TENM1: variants seen among roughly 807,000 people sequenced by gnomAD.
TENM1 encodes the protein teneurin-1.
TENM1 carries 35 observed loss-of-function variants against 174.8 expected under a neutral mutation model. The ratio of observed to expected loss-of-function variants is 0.20; its 90% confidence interval spans 0.15 to 0.27. The LOEUF (loss-of-function observed/expected upper bound fraction) is 0.27. Among genes scored for constraint, TENM1 ranks in the 10% least tolerant of loss-of-function variants. The probability of loss-of-function intolerance (pLI) is 1.00; values close to 1 mark genes in which losing one functional copy is unlikely to be tolerated. For missense variants in TENM1, 1,633 were observed against 2,130.1 expected (o/e 0.77, Z 4.59); for synonymous variants, 781 against 798.7 (o/e 0.98, Z 0.37).
At chrX:124,612,941 G>C (rs2050312775) in intron 11 of TENM1, among the ~76,000 whole-genome samples, 1 of 111,490 alleles carries the variant, frequency 9.0e-6, no homozygotes, top group Non-Finnish European at 1.9e-5. Flanking sequence ...CAGCAGATTA[G>C]TGAATCAATT....
At chrX:125,171,574 C>G in the TENM1 span, among the ~76,000 whole-genome samples, 1 of 109,879 alleles carries the variant, frequency 9.1e-6, no homozygotes, top group Admixed American at 9.8e-5. Flanking sequence ...GGGATTAGTG[C>G]CCTTATAAAA....
the TENM1 span, among the ~76,000 whole-genome samples, chrX:125,121,859 G>A: frequency 1.4e-4 from 16 of 112,317 alleles, no homozygotes; most frequent in East Asian, 4.5e-3. Context: ...GATCACTTGA[G>A]GCCAGGAATT....
intron 14 of TENM1, among the ~76,000 whole-genome samples, chrX:124,559,446 T>C (rs905190188): frequency 3.6e-5 from 4 of 111,255 alleles, no homozygotes; most frequent in East Asian, 5.7e-4. Context: ...GGCAGACAGA[T>C]TGCTTGAGCC....
intron 5 of TENM1, among the ~76,000 whole-genome samples, chrX:124,690,842 G>A (rs139078862): frequency 0.011 from 1,264 of 110,247 alleles, 17 homozygotes; most frequent in African/African-American, 0.039. Context: ...GCCCTCACCG[G>A]ATGCAGATCC....
the TENM1 span, among the ~76,000 whole-genome samples, chrX:125,151,576 A>G: frequency 8.9e-6 from 1 of 112,548 alleles, no homozygotes. Context: ...TATAGTACAT[A>G]CAAACAGTAT....
the TENM1 span, among the ~76,000 whole-genome samples, chrX:125,050,004 T>A: frequency 8.2e-4 from 90 of 109,879 alleles, no homozygotes; most frequent in African/African-American, 2.8e-3. Flanking sequence ...ACTATTATTA[T>A]TAATAATAGA....
chrX:124,830,527 A>G (rs1480198205), intron 3 of TENM1, among the ~76,000 whole-genome samples: 1 of 111,669 alleles, frequency 9.0e-6, no homozygotes, highest in Non-Finnish European at 1.9e-5. Flanking sequence ...CTTGCCATGT[A>G]GTGATCATCA....
intron 5 of TENM1, 43 bp from the exon 9 acceptor site, chrX:124,671,878 T>C (rs1284730039): frequency 8.5e-7 from 1 of 1,178,755 alleles, no homozygotes; most frequent in Non-Finnish European, 1.1e-6. Flanking sequence ...CCAGACTCAC[T>C]GAGAACATCT....
the TENM1 span, among the ~76,000 whole-genome samples, chrX:125,103,726 C>T: frequency 1.8e-4 from 20 of 112,492 alleles, no homozygotes; most frequent in African/African-American, 5.8e-4. Context: ...TGGCTCACGC[C>T]GGTAATCCCA....
intron 23 of TENM1, among the ~76,000 whole-genome samples, chrX:124,435,286 T>A (rs1356281807): frequency 8.9e-6 from 1 of 111,864 alleles, no homozygotes; most frequent in African/African-American, 3.2e-5. Flanking sequence ...TTGCAGGTTG[T>A]TAATATTATA....
chrX:124,419,591 G>T (rs2060628134), intron 25 of TENM1, among the ~76,000 whole-genome samples: 1 of 112,071 alleles, frequency 8.9e-6, no homozygotes, highest in South Asian at 3.7e-4. Flanking sequence ...CTAGTAGCTT[G>T]CTGTCAGACA....
chrX:124,758,686 T>C lies in TENM1; in HGVS notation c.536-21489A>G, dbSNP rs368772132. 4.5e-5 allele frequency among the ~76,000 whole-genome samples: 5 copies of C among 111,672 alleles called. No individual in the cohort carries two copies. In the South Asian group the frequency reaches 1.5e-3, roughly 34 times the overall value. The stretch of plus-strand genomic sequence containing the variant: ...AAGAAGGTGTGGCATATACATATGA[T>C]TGAATATTATTCAGCCTTAAAAAAG... On this transcript the variant is annotated intron_variant, in intron 3 of 31. Transcript: ENST00000422452.
intron 8 of TENM1, among the ~76,000 whole-genome samples, chrX:124,649,130 T>A (rs1475939935): frequency 1.8e-5 from 2 of 112,359 alleles, no homozygotes; most frequent in African/African-American, 3.2e-5. Flanking sequence ...TGGCCTCCAG[T>A]AATCTTTGAC....
chrX:124,697,677 A>G (rs1158123107), intron 5 of TENM1, among the ~76,000 whole-genome samples: 1 of 111,588 alleles, frequency 9.0e-6, no homozygotes, highest in African/African-American at 3.2e-5. Flanking sequence ...TAATTTATTG[A>G]ATAATATATA....
chrX:124,651,876 T>C lies in TENM1; in HGVS notation c.1579+38A>G, dbSNP rs1327831462. The C allele has an allele frequency of 4.2e-6, 5 of 1,191,311 alleles. No homozygotes were observed. In the African/African-American group the frequency reaches 7.0e-5, roughly 17 times the overall value. On this transcript the variant is annotated intron_variant, in intron 8 of 31. Transcript: ENST00000422452. ...ATCACTGATTGTGTCTTTCTAGGGT[T>C]GAACTGTCAATTCAACATATTAGGC...
chrX:124,508,632 G>T (rs5958507), intron 18 of TENM1, among the ~76,000 whole-genome samples: 1 of 112,122 alleles, frequency 8.9e-6, no homozygotes, highest in African/African-American at 3.2e-5. Flanking sequence ...AAGAATCCAG[G>T]AGTGAGACAG....
At chrX:125,173,116 A>G in the TENM1 span, among the ~76,000 whole-genome samples, 143 of 111,774 alleles carry the variant, frequency 1.3e-3, 3 homozygotes, top group East Asian at 0.029. Flanking sequence ...GCTCATCTCA[A>G]ACACAACACT....
the TENM1 span, among the ~76,000 whole-genome samples, chrX:125,042,403 T>C: frequency 9.0e-6 from 1 of 111,314 alleles, no homozygotes; most frequent in South Asian, 3.7e-4. Flanking sequence ...ACACCTGTAA[T>C]TTCACACAAT....
At chrX:124,517,748 T>C (rs1307495930) in intron 18 of TENM1, among the ~76,000 whole-genome samples, 2 of 108,853 alleles carry the variant, frequency 1.8e-5, no homozygotes, top group African/African-American at 6.7e-5. Flanking sequence ...ACCAACATGG[T>C]GCATGTATAC....
Sources: gnomAD v4.1 joint callset for allele counts (sites outside exome capture counted in the v4.1 genomes callset) on GRCh38, gnomAD v4.1.1 for gene constraint, MANE v1.5 for transcripts, NCBI Gene and HGNC (gene_info 2026-07-23, HGNC 2026-07-21) for gene names.